The following MTMR14 variants were observed in gnomAD, a reference collection of about 807,000 sequenced individuals.
The protein encoded by MTMR14 is myotubularin related protein 14.
MTMR14 carries 48 observed loss-of-function variants against 86.3 expected under a neutral mutation model. That is an observed-to-expected ratio of 0.56 (90% CI 0.44 to 0.71). The LOEUF is 0.71. Among genes scored for constraint, MTMR14 ranks in the 30% least tolerant of loss-of-function variants. The probability of loss-of-function intolerance (pLI) is 0.00; values close to 1 mark genes in which losing one functional copy is unlikely to be tolerated. For missense variants in MTMR14, 780 were observed against 834.6 expected (o/e 0.93, Z 0.81); for synonymous variants, 366 against 326.1 (o/e 1.12, Z -1.32).
At chr3:9,697,195 AC>A (rs1316696376) in intron 17 of MTMR14, among the ~76,000 whole-genome samples, 1 of 151,670 alleles carries the variant, frequency 6.6e-6, no homozygotes, top group African/African-American at 2.4e-5. Flanking sequence ...CCATTCCATC[AC>A]TCTTGAGTCT....
intron 6 of MTMR14, among the ~76,000 whole-genome samples, 173 bp downstream of exon 6, chr3:9,671,343 T>TA (rs1482547634): frequency 2.0e-5 from 3 of 152,166 alleles, no homozygotes; most frequent in Non-Finnish European, 4.4e-5. Flanking sequence ...GTCCCCCTCT[T>TA]ACAGACACTG....
intron 18 of MTMR14, 73 bp downstream of exon 18, chr3:9,697,939 G>A: frequency 6.3e-7 from 1 of 1,597,466 alleles, no homozygotes; most frequent in African/African-American, 1.3e-5. Flanking sequence ...CAGGAGTGCT[G>A]GGTAGGAATG....
chr3:9,674,394 C>G (rs993308714), intron 7 of MTMR14, among the ~76,000 whole-genome samples: 1 of 152,152 alleles, frequency 6.6e-6, no homozygotes. Flanking sequence ...ATCATGATGT[C>G]TATTTGTAAT....
intron 7 of MTMR14, among the ~76,000 whole-genome samples, chr3:9,676,312 CT>C (rs2125182979): frequency 6.6e-6 from 1 of 152,344 alleles, no homozygotes; most frequent in African/African-American, 2.4e-5. Flanking sequence ...CCAGGAGCTC[CT>C]TGGAGGACCA....
At chr3:9,689,388 C>T (rs780972688) in intron 16 of MTMR14, among the ~76,000 whole-genome samples, 23 of 152,100 alleles carry the variant, frequency 1.5e-4, no homozygotes, top group Admixed American at 2.0e-4. Flanking sequence ...TATCATTTGT[C>T]GGGGAGATAG....
In MTMR14 at chr3:9,690,085, A is replaced by G. The variant is rs766198116; in HGVS notation, c.1555A>G (p.Asn519Asp). Residue 519 changes from asparagine (N) to aspartate (D), a missense_variant, in exon 17 of 19, where the codon AAC (asparagine) becomes GAC (aspartate). Coordinates refer to ENST00000296003, the MANE Select transcript of MTMR14 (RefSeq NM_001077525.3). Reference protein sequence around the residue: ...EARSSSSSSSNHSDNFFRMGS... With the variant: ...EARSSSSSSSDHSDNFFRMGS... ...CAGGTCTTCCAGCTCCTCTTCCTCA[A>G]ACCATTCTGATAACTTTTTCAGGAT... 1 of 1,613,546 alleles carries G rather than the reference A, an allele frequency of 6.2e-7. No homozygotes were observed. The highest frequency in any genetic ancestry group is 8.5e-7 in the Non-Finnish European group (1 of 1,180,028).
intron 13 of MTMR14, 114 bp from the exon 14 acceptor site, chr3:9,687,707 C>T (rs1575058332): frequency 2.4e-6 from 2 of 828,338 alleles, no homozygotes; most frequent in Non-Finnish European, 4.0e-6. Context: ...CACACAGTCC[C>T]ACAGCAGGGC....
At chr3:9,683,052 C>T in intron 9 of MTMR14, 126 bp from the exon 10 acceptor site, 1 of 777,484 alleles carries the variant, frequency 1.3e-6, no homozygotes, top group Non-Finnish European at 2.1e-6. Context: ...GATTCAAAAC[C>T]TATGGTCTGT....
At chr3:9,669,164 A>G (rs1399109743) in intron 4 of MTMR14, among the ~76,000 whole-genome samples, 2 of 151,460 alleles carry the variant, frequency 1.3e-5, no homozygotes, top group East Asian at 3.9e-4. Context: ...AAGAATAGCC[A>G]CCCATGACCA....
At chr3:9,657,695 C>T (rs539350053) in intron 2 of MTMR14, among the ~76,000 whole-genome samples, 2 of 152,066 alleles carry the variant, frequency 1.3e-5, no homozygotes, top group African/African-American at 2.4e-5. Flanking sequence ...GGATTACAGG[C>T]GCGTGCCACC....
At chr3:9,681,025 A>T (rs1169001036) in intron 9 of MTMR14, among the ~76,000 whole-genome samples, 1 of 152,192 alleles carries the variant, frequency 6.6e-6, no homozygotes, top group Non-Finnish European at 1.5e-5. Context: ...GTTACACAGC[A>T]TCCTAGAGGT....
chr3:9,682,997 G>C (rs1005138278), intron 9 of MTMR14, among the ~76,000 whole-genome samples, 181 bp from the exon 10 acceptor site: 10 of 152,084 alleles, frequency 6.6e-5, no homozygotes, highest in Non-Finnish European at 1.2e-4. Context: ...GGGAGAGGTG[G>C]TAGGAGCTGC....
At chr3:9,674,283 T>C (rs915289677) in intron 7 of MTMR14, among the ~76,000 whole-genome samples, 2 of 152,222 alleles carry the variant, frequency 1.3e-5, no homozygotes, top group Admixed American at 6.5e-5. Context: ...GTTTGGCAAC[T>C]TGTTACAGGA....
At chr3:9,657,698 G>A (rs544684659) in intron 2 of MTMR14, among the ~76,000 whole-genome samples, 23 of 152,190 alleles carry the variant, frequency 1.5e-4, no homozygotes, top group Admixed American at 2.0e-4. Flanking sequence ...TTACAGGCGC[G>A]TGCCACCATG....
chr3:9,691,319 G>C (rs903866205), intron 17 of MTMR14, among the ~76,000 whole-genome samples: 5 of 152,236 alleles, frequency 3.3e-5, no homozygotes. Flanking sequence ...GGGCCAGACA[G>C]ACAAGCCCAT....
At position 9,701,571 on chromosome 3, in the gene MTMR14, GTGGGA is replaced by G. The variant is rs2076459380; in HGVS notation, c.1770-218_1770-214del. On this transcript the variant is annotated intron_variant, in intron 18 of 18. Transcript: ENST00000296003. This position sits in a 1 kb window ranked among gnomAD's most constrained non-coding sequence, Gnocchi z 4.2. ...GTCCCAGTAAAAGCTCCTGCTCTAG[GTGGGA>G]ACAGTAGCCTGAGGGCTTAGAGGAA... The G allele has an allele frequency of 6.5e-6, 4 of 617,328 alleles. No individual in the cohort carries two copies. The East Asian group carries it at 1.1e-4, about 17-fold the overall frequency. The allele number at this position is 617,328 out of a possible 1,614,324, so 38.2% of individuals were successfully genotyped here.
chr3:9,688,845 GTTTTTTT>G, intron 15 of MTMR14, 91 bp downstream of exon 15: 1 of 1,374,338 alleles, frequency 7.3e-7, no homozygotes, highest in Non-Finnish European at 1.0e-6. Context: ...GAGGTTTTTT[GTTTTTTT>G]TTTTTTCTTC....
At chr3:9,700,669 C>T (rs1575103209) in intron 18 of MTMR14, 1 of 152,312 alleles carries the variant, frequency 6.6e-6, no homozygotes, top group East Asian at 1.9e-4. Context: ...TACCTGGAAA[C>T]CACAGTGACT....
Position 9,697,730 on chromosome 3 carries a change from C to G in MTMR14, c.1633C>G (p.Pro545Ala), listed in dbSNP as rs1230329845. The G allele has an allele frequency of 2.5e-6, 4 of 1,613,976 alleles. No individual in the cohort carries two copies. The Admixed American group carries it at 6.7e-5, about 27-fold the overall frequency. Residue 545 changes from proline (P) to alanine (A), a missense_variant, in exon 18 of 19, where the codon CCC becomes GCC. Coordinates refer to ENST00000296003, the MANE Select transcript of MTMR14 (RefSeq NM_001077525.3). ...CCCCAGATCAGTGGACCATCCCCTG[C>G]CCGGATCCTCTCTCTCCACAGACTA... The part of the protein sequence containing the change: ...PKPRSVDHPL[P>A]GSSLSTDYGS...
Sources: gnomAD v4.1 joint callset for allele counts (sites outside exome capture counted in the v4.1 genomes callset) on GRCh38, gnomAD v4.1.1 for gene constraint, Gnocchi (gnomAD v3.1) non-coding constraint, MANE v1.5 for transcripts, NCBI Gene and HGNC (gene_info 2026-07-23, HGNC 2026-07-21) for gene names.